MEGF11: variants seen among roughly 807,000 people sequenced by gnomAD.
MEGF11 encodes multiple epidermal growth factor-like domains protein 11.
Under a neutral mutation model 146.6 loss-of-function variants are expected in MEGF11, and 126 were observed. That is an observed-to-expected ratio of 0.86 (90% CI 0.74 to 1.00). The LOEUF (loss-of-function observed/expected upper bound fraction) is 1.00, where lower values mean the gene tolerates loss of function less well. MEGF11 is among the 50% of genes least tolerant of loss of function. The pLI, the probability that MEGF11 is intolerant of heterozygous loss-of-function variation, is 0.00. For synonymous variants in MEGF11, 532 were observed against 583.4 expected (o/e 0.91, Z 1.27); for missense variants, 1,509 against 1,521.2 (o/e 0.99, Z 0.13).
intron 15 of MEGF11, 54 bp downstream of exon 15, chr15:65,922,284 T>G: frequency 6.3e-7 from 1 of 1,581,294 alleles, no homozygotes; most frequent in Non-Finnish European, 8.6e-7. Flanking sequence ...CCTGCCACTT[T>G]CCTCCCAGAA....
At chr15:66,149,172 G>A (rs557893385) in intron 1 of MEGF11, among the ~76,000 whole-genome samples, 28 of 152,264 alleles carry the variant, frequency 1.8e-4, no homozygotes, top group Middle Eastern at 3.4e-3. Context: ...AGGCCCAGGC[G>A]CCCTGGAGAT....
At chr15:66,069,362 A>T (rs377720532) in intron 5 of MEGF11, among the ~76,000 whole-genome samples, 1 of 152,354 alleles carries the variant, frequency 6.6e-6, no homozygotes, top group Admixed American at 6.5e-5. Context: ...AGCAAGGAAT[A>T]GGAATTTGCC....
chr15:65,955,759 AAAATATAT>A (rs1427228949), intron 10 of MEGF11, among the ~76,000 whole-genome samples: 12 of 16,382 alleles, frequency 7.3e-4, no homozygotes, highest in African/African-American at 2.4e-3. Flanking sequence ...AAAAAAAAAA[AAAATATAT>A]ATATATATAT....
chr15:66,235,883 C>T (rs1411222468), intron 1 of MEGF11, among the ~76,000 whole-genome samples: 2 of 152,192 alleles, frequency 1.3e-5, no homozygotes, highest in Admixed American at 1.3e-4. Flanking sequence ...AGTGTGACAA[C>T]AAATCTTTAA....
intron 4 of MEGF11, among the ~76,000 whole-genome samples, chr15:66,111,086 T>C (rs2087374062): frequency 6.6e-6 from 1 of 152,184 alleles, no homozygotes; most frequent in Non-Finnish European, 1.5e-5. Flanking sequence ...GCCTGCCACT[T>C]ATCCATGTGG....
At position 65,898,687 on chromosome 15, in the gene MEGF11, A is replaced by G. The variant is rs148718510; in HGVS notation, c.3262+41T>C. The stretch of plus-strand genomic sequence containing the variant: ...TTGCTTTTACTTCAAATGCTGCACT[A>G]TTGCCCTGATTTCACTAAGTTACTT... On this transcript the variant is annotated intron_variant, in intron 25 of 25. Coordinates refer to ENST00000395614, the MANE Select transcript of MEGF11 (RefSeq NM_001385028.1). 165 of 1,610,122 alleles carry G rather than the reference A, an allele frequency of 1.0e-4. No individual in the cohort carries two copies. In the African/African-American group the frequency reaches 1.4e-3, roughly 14 times the overall value.
intron 1 of MEGF11, among the ~76,000 whole-genome samples, chr15:66,208,086 GA>G (rs758591227): frequency 0.012 from 1,170 of 94,300 alleles, 9 homozygotes; most frequent in African/African-American, 0.033. Flanking sequence ...CTGTGCCTCA[GA>G]AAAAAAAAAA....
At chr15:66,136,419 GA>G (rs1262306744) in intron 1 of MEGF11, among the ~76,000 whole-genome samples, 1 of 152,202 alleles carries the variant, frequency 6.6e-6, no homozygotes, top group Non-Finnish European at 1.5e-5. Flanking sequence ...CCAGTCAATA[GA>G]CCCCCTGAGT....
intron 5 of MEGF11, among the ~76,000 whole-genome samples, chr15:66,092,533 A>T (rs2086361744): frequency 6.6e-6 from 1 of 152,232 alleles, no homozygotes; most frequent in Non-Finnish European, 1.5e-5. Context: ...TAAAGTAACA[A>T]GTCTGTTTCC....
chr15:65,981,743 A>G (rs2081646199), intron 6 of MEGF11, among the ~76,000 whole-genome samples: 1 of 152,124 alleles, frequency 6.6e-6, no homozygotes, highest in African/African-American at 2.4e-5. Context: ...GAGAGAAAGT[A>G]GGGGAGAGGA....
intron 1 of MEGF11, among the ~76,000 whole-genome samples, chr15:66,190,061 G>A (rs560002486): frequency 8.5e-4 from 129 of 152,236 alleles, no homozygotes; most frequent in African/African-American, 3.0e-3. Context: ...TCATCAGGAC[G>A]CTTTCAGAAC....
At chr15:66,042,526 G>A (rs944549292) in intron 5 of MEGF11, among the ~76,000 whole-genome samples, 18 of 152,252 alleles carry the variant, frequency 1.2e-4, no homozygotes, top group Admixed American at 1.2e-3. Context: ...AGCACTGGGG[G>A]GGAACATATC....
intron 1 of MEGF11, among the ~76,000 whole-genome samples, chr15:66,130,590 T>C (rs2088597307): frequency 8.1e-6 from 1 of 122,876 alleles, no homozygotes; most frequent in South Asian, 2.5e-4. Flanking sequence ...AAAATCCTCA[T>C]GAAAAGAAAG....
At chr15:66,080,157 G>C (rs1030949956) in intron 5 of MEGF11, among the ~76,000 whole-genome samples, 5 of 152,168 alleles carry the variant, frequency 3.3e-5, no homozygotes, top group African/African-American at 9.7e-5. Context: ...CAGCCCCCCA[G>C]GACTCAGGGG....
intron 5 of MEGF11, among the ~76,000 whole-genome samples, chr15:66,011,762 G>A (rs1310685396): frequency 7.2e-6 from 1 of 138,340 alleles, no homozygotes; most frequent in Non-Finnish European, 1.6e-5. Context: ...CAACTTAAAT[G>A]GCCAACAATG....
intron 5 of MEGF11, among the ~76,000 whole-genome samples, chr15:65,984,922 C>G (rs552451985): frequency 1.3e-5 from 2 of 152,060 alleles, no homozygotes; most frequent in Non-Finnish European, 2.9e-5. Flanking sequence ...GCGCCTGCCA[C>G]CACGCCTGGC....
At chr15:66,236,562 T>C (rs2092096344) in intron 1 of MEGF11, among the ~76,000 whole-genome samples, 2 of 152,084 alleles carry the variant, frequency 1.3e-5, no homozygotes, top group African/African-American at 2.4e-5. Context: ...ACCAATGCCA[T>C]GGATAAAGTC....
At chr15:66,191,256 G>C (rs1039908245) in intron 1 of MEGF11, among the ~76,000 whole-genome samples, 1 of 152,146 alleles carries the variant, frequency 6.6e-6, no homozygotes, top group Non-Finnish European at 1.5e-5. Context: ...CTGGAGGGAG[G>C]GCCGCTCTCC....
At chr15:65,932,396 T>C (rs1396956572) in intron 10 of MEGF11, among the ~76,000 whole-genome samples, 1 of 152,042 alleles carries the variant, frequency 6.6e-6, no homozygotes, top group African/African-American at 2.4e-5. Context: ...GAGGGGTGAA[T>C]CTGGGCGTCC....
Sources: allele counts gnomAD v4.1 joint callset (sites outside exome capture counted in the v4.1 genomes callset), GRCh38; gene constraint gnomAD v4.1.1; transcripts MANE v1.5; gene names NCBI Gene and HGNC (gene_info 2026-07-23, HGNC 2026-07-21).